ZNF487: variants seen among roughly 807,000 people sequenced by gnomAD.
The protein encoded by ZNF487 is zinc finger protein 487.
ZNF487 carries 4 observed loss-of-function variants against 3.0 expected under a neutral mutation model. That is an observed-to-expected ratio of 1.35 (90% CI 0.66 to 3.08). The LOEUF (loss-of-function observed/expected upper bound fraction) is 3.08. Among genes scored for constraint, ZNF487 ranks in the 30% most tolerant of loss-of-function variants. The pLI, the probability that ZNF487 is intolerant of heterozygous loss-of-function variation, is 0.01. For missense variants in ZNF487, 146 were observed against 98.7 expected, an observed-to-expected ratio of 1.48 and a Z score of -2.03; for synonymous variants, 55 against 34.6, an observed-to-expected ratio of 1.59 and a Z score of -2.06.
chr10:43,442,298 T>C (rs1839644099), intron 1 of ZNF487, among the ~76,000 whole-genome samples: 1 of 152,032 alleles, frequency 6.6e-6, no homozygotes, highest in South Asian at 2.1e-4. Context: ...AAACTCTTGC[T>C]GTGAATTTGA....
the ZNF487 span, among the ~76,000 whole-genome samples, chr10:43,519,196 G>A: frequency 3.9e-5 from 6 of 151,974 alleles, no homozygotes; most frequent in Admixed American, 6.6e-5. Context: ...GATTACAAGT[G>A]TGAGCCACCA....
intron 1 of ZNF487, among the ~76,000 whole-genome samples, chr10:43,450,295 G>A (rs997270916): frequency 6.6e-6 from 1 of 151,762 alleles, no homozygotes; most frequent in African/African-American, 2.4e-5. Flanking sequence ...TGATCCATCC[G>A]ACTTGGCCTC....
chr10:43,476,979 T>A (rs1841122054), intron 3 of ZNF487, among the ~76,000 whole-genome samples: 1 of 152,150 alleles, frequency 6.6e-6, no homozygotes, highest in African/African-American at 2.4e-5. Context: ...ATGATACCAT[T>A]AACTGGATGG....
At chr10:43,507,643 A>G in the ZNF487 span, among the ~76,000 whole-genome samples, 1 of 152,300 alleles carries the variant, frequency 6.6e-6, no homozygotes, top group East Asian at 1.9e-4. Flanking sequence ...TTTGCTTAGT[A>G]TGGCTGCTTA....
At chr10:43,498,921 A>G in the ZNF487 span, among the ~76,000 whole-genome samples, 2 of 151,098 alleles carry the variant, frequency 1.3e-5, no homozygotes, top group Admixed American at 6.6e-5. Context: ...TAGCCTGGGC[A>G]ACACAGCGAG....
At chr10:43,492,432 A>G in the ZNF487 span, among the ~76,000 whole-genome samples, 1 of 124,630 alleles carries the variant, frequency 8.0e-6, no homozygotes, top group African/African-American at 2.9e-5. Context: ...CACAAACATG[A>G]TTTTATTTTA....
chr10:43,522,469 C>T, the ZNF487 span, among the ~76,000 whole-genome samples: 1 of 152,208 alleles, frequency 6.6e-6, no homozygotes, highest in Non-Finnish European at 1.5e-5. Context: ...TGCGGTGGCT[C>T]ATGCCTGTAA....
chr10:43,462,521 T>C (rs1470922551), intron 1 of ZNF487, among the ~76,000 whole-genome samples: 2 of 149,654 alleles, frequency 1.3e-5, no homozygotes, highest in Non-Finnish European at 3.0e-5. Flanking sequence ...AGTGGCGTGA[T>C]CTCAGCTCAC....
the ZNF487 span, among the ~76,000 whole-genome samples, chr10:43,496,724 CT>C: frequency 6.6e-6 from 1 of 152,160 alleles, no homozygotes; most frequent in African/African-American, 2.4e-5. Context: ...TGCTAGCATG[CT>C]AGCATGGTCA....
chr10:43,438,715 G>C (rs529039614), intron 1 of ZNF487, among the ~76,000 whole-genome samples: 1 of 152,250 alleles, frequency 6.6e-6, no homozygotes, highest in African/African-American at 2.4e-5. Flanking sequence ...AAAGGGAGAG[G>C]TAACCCCAGT....
chr10:43,469,604 G>T (rs995419390), intron 1 of ZNF487, among the ~76,000 whole-genome samples: 2 of 152,006 alleles, frequency 1.3e-5, no homozygotes, highest in African/African-American at 4.8e-5. Context: ...ACCTTCCAAA[G>T]TGCTGGGATT....
intron 1 of ZNF487, chr10:43,453,219 G>T (rs183277660): frequency 6.6e-6 from 1 of 152,218 alleles, no homozygotes; most frequent in East Asian, 1.9e-4. Context: ...GGCTCCTTGA[G>T]AAAGCAATGT....
intron 1 of ZNF487, among the ~76,000 whole-genome samples, chr10:43,467,361 C>T (rs955514814): frequency 3.3e-5 from 5 of 151,780 alleles, no homozygotes; most frequent in East Asian, 2.0e-4. Flanking sequence ...CACGCCACCA[C>T]GCCTGGCTAA....
At chr10:43,438,559 G>A (rs904338993) in intron 1 of ZNF487, among the ~76,000 whole-genome samples, 2 of 152,120 alleles carry the variant, frequency 1.3e-5, no homozygotes, top group African/African-American at 4.8e-5. Context: ...ATGGAAAACA[G>A]TATGGCAGTT....
At chr10:43,477,486 C>T (rs1042662079) in intron 3 of ZNF487, among the ~76,000 whole-genome samples, 6 of 151,986 alleles carry the variant, frequency 3.9e-5, no homozygotes, top group East Asian at 1.9e-4. Flanking sequence ...TGAGCCACTG[C>T]GCCTGGCTTC....
the ZNF487 span, among the ~76,000 whole-genome samples, chr10:43,516,679 T>C: frequency 1.3e-5 from 2 of 152,122 alleles, no homozygotes. Context: ...CCAGTCTTTT[T>C]CACATTTTTC....
At chr10:43,487,270 G>T (rs1303388307), downstream of ZNF487, among the ~76,000 whole-genome samples, 1 of 151,054 alleles carries the variant, frequency 6.6e-6, no homozygotes, top group Non-Finnish European at 1.5e-5. Context: ...CTCCTGATTA[G>T]TTGGGATTAC....
In ZNF487 at chr10:43,475,917, T is replaced by G. The variant is rs1046164189; in HGVS notation, c.34+70T>G. On this transcript the variant is annotated intron_variant, in intron 2 of 3. Transcript: ENST00000437590. ...TTTTAGCTGCTGATTACAGATGGTT[T>G]CTTTGTATGAATATGAGTTAAAGGC... is the stretch of plus-strand genomic sequence containing the variant. 6 of 669,810 alleles carry G rather than the reference T, an allele frequency of 9.0e-6. No homozygotes were observed. In the African/African-American group the frequency reaches 1.1e-4, roughly 12 times the overall value. 41.5% of individuals were successfully genotyped at this position (669,810 alleles called of 1,614,324 possible). A position where few individuals can be genotyped will look rare whatever the true frequency, so the allele number is the denominator to read the frequency against.
chr10:43,447,078 A>G (rs1025007605), intron 1 of ZNF487, among the ~76,000 whole-genome samples: 1 of 151,714 alleles, frequency 6.6e-6, no homozygotes, highest in African/African-American at 2.4e-5. Flanking sequence ...AATCCCAGGC[A>G]CTCGGCAGGC....
Sources: allele counts gnomAD v4.1 joint callset (sites outside exome capture counted in the v4.1 genomes callset), GRCh38; gene constraint gnomAD v4.1.1; transcripts MANE v1.5; gene names NCBI Gene and HGNC (gene_info 2026-07-23, HGNC 2026-07-21).